HECW1: variants seen among roughly 807,000 people sequenced by gnomAD.
HECW1 encodes E3 ubiquitin-protein ligase HECW1.
A neutral mutation model predicts 182.3 loss-of-function variants in HECW1; 61 were observed. The ratio of observed to expected loss-of-function variants is 0.33; its 90% confidence interval spans 0.27 to 0.41. The LOEUF (loss-of-function observed/expected upper bound fraction) is 0.41. Among genes scored for constraint, HECW1 ranks in the 10% least tolerant of loss-of-function variants. HECW1 has a pLI of 1.00. For missense variants in HECW1, 1,739 were observed against 2,108.9 expected, an observed-to-expected ratio of 0.82 and a Z score of 3.44; for synonymous variants, 859 against 832.6, an observed-to-expected ratio of 1.03 and a Z score of -0.55.
At chr7:43,274,413 C>G (rs763415099) in intron 3 of HECW1, 39 of 634,312 alleles carry the variant, frequency 6.1e-5, no homozygotes, top group Non-Finnish European at 9.7e-5. Context: ...TGCTCTATGA[C>G]TCCCGGAGCT....
chr7:43,479,779 G>C (rs369959039), intron 17 of HECW1, 35 bp downstream of exon 17: 122 of 1,611,678 alleles, frequency 7.6e-5, no homozygotes, highest in Admixed American at 4.2e-4. Flanking sequence ...ACTGTTCACC[G>C]GTCACAGTCT....
chr7:43,173,019 A>T (rs1019822914), intron 2 of HECW1, among the ~76,000 whole-genome samples: 3 of 152,212 alleles, frequency 2.0e-5, no homozygotes, highest in African/African-American at 7.2e-5. Context: ...TTCACACCAC[A>T]TTGACAGAAG....
chr7:43,493,546 G>C (rs1002061253), intron 19 of HECW1, among the ~76,000 whole-genome samples: 2 of 152,034 alleles, frequency 1.3e-5, no homozygotes, highest in African/African-American at 4.8e-5. Context: ...ACCAAATATT[G>C]AGCAGCCGTG....
At chr7:43,471,048 C>A (rs1379515837) in intron 16 of HECW1, among the ~76,000 whole-genome samples, 1 of 152,124 alleles carries the variant, frequency 6.6e-6, no homozygotes, top group Non-Finnish European at 1.5e-5. Flanking sequence ...GATTTTACAA[C>A]CAGATAAATA....
intron 2 of HECW1, among the ~76,000 whole-genome samples, chr7:43,242,099 C>T (rs944227434): frequency 1.3e-5 from 2 of 152,122 alleles, no homozygotes; most frequent in Non-Finnish European, 2.9e-5. Context: ...GGACCAGATC[C>T]ACTTTGCATG....
At chr7:43,376,619 C>T (rs971813209) in intron 6 of HECW1, among the ~76,000 whole-genome samples, 1 of 152,176 alleles carries the variant, frequency 6.6e-6, no homozygotes. Context: ...AATCCCAGCA[C>T]TTTGGGAGGC....
chr7:43,201,085 C>G (rs902012558), intron 2 of HECW1, among the ~76,000 whole-genome samples: 1 of 152,144 alleles, frequency 6.6e-6, no homozygotes, highest in African/African-American at 2.4e-5. Flanking sequence ...TGTTATTCAG[C>G]TTGAAGACCG....
rs77031619 is a variant in HECW1, at chr7:43,315,030, C to T, written c.352+2943C>T. Among the ~76,000 whole-genome samples the T allele has an allele frequency of 1.1e-3, 162 of 152,270 alleles. No individual in the cohort carries two copies. The East Asian group carries it at 0.015, about 14-fold the overall frequency. On this transcript the variant is annotated intron_variant, in intron 4 of 29. Transcript: ENST00000395891. ...TGTTGGGTATGGGCCATGGCACATCCGTGTGCCATCAAATGTCCAGCAGAG... is the reference window on the plus strand; with the variant it reads ...TGTTGGGTATGGGCCATGGCACATCTGTGTGCCATCAAATGTCCAGCAGAG...
intron 2 of HECW1, among the ~76,000 whole-genome samples, chr7:43,221,554 T>TG (rs1796959681): frequency 3.3e-5 from 3 of 90,428 alleles, no homozygotes; most frequent in South Asian, 4.9e-4. Context: ...TTTTTTTTTT[T>TG]TTTTTTTTTT....
chr7:43,172,818 T>C (rs967505587), intron 2 of HECW1, among the ~76,000 whole-genome samples: 1 of 152,222 alleles, frequency 6.6e-6, no homozygotes, highest in African/African-American at 2.4e-5. Flanking sequence ...AAGCGATCCT[T>C]GGACACAGCA....
intron 2 of HECW1, among the ~76,000 whole-genome samples, chr7:43,134,393 CA>C (rs35414360): frequency 0.32 from 27,390 of 85,204 alleles, 1,440 homozygotes; most frequent in Middle Eastern, 0.48. Flanking sequence ...GACTCTGTCT[CA>C]AAAAAAAAAA....
At chr7:43,467,868 G>A (rs540156405) in intron 15 of HECW1, among the ~76,000 whole-genome samples, 5 of 152,282 alleles carry the variant, frequency 3.3e-5, no homozygotes, top group East Asian at 3.9e-4. Context: ...GATGGAGGGC[G>A]TGGCTGCAAA....
chr7:43,381,097 T>A (rs948050845), intron 6 of HECW1, among the ~76,000 whole-genome samples: 1 of 152,220 alleles, frequency 6.6e-6, no homozygotes, highest in East Asian at 1.9e-4. Flanking sequence ...GAAGTGAACA[T>A]TTTTTCATGT....
chr7:43,556,421 T>C (rs2082023825), intron 29 of HECW1, among the ~76,000 whole-genome samples: 1 of 152,222 alleles, frequency 6.6e-6, no homozygotes, highest in Non-Finnish European at 1.5e-5. Flanking sequence ...GCGCAGTGGC[T>C]CACGCCTGTA....
At chr7:43,258,939 T>G (rs1800878420) in intron 3 of HECW1, among the ~76,000 whole-genome samples, 1 of 152,202 alleles carries the variant, frequency 6.6e-6, no homozygotes, top group Non-Finnish European at 1.5e-5. Flanking sequence ...TTTTTTGTTT[T>G]GTTTTGTTTT....
chr7:43,369,620 T>C (rs1211441983), intron 6 of HECW1, among the ~76,000 whole-genome samples: 2 of 152,214 alleles, frequency 1.3e-5, no homozygotes, highest in African/African-American at 4.8e-5. Flanking sequence ...ACCTAGAAAT[T>C]GTGAATGAAC....
At chr7:43,235,960 G>T (rs888528791) in intron 2 of HECW1, among the ~76,000 whole-genome samples, 32 of 152,160 alleles carry the variant, frequency 2.1e-4, no homozygotes, top group Non-Finnish European at 2.9e-5. Flanking sequence ...ATGCCAAGAG[G>T]GGAGGATCAC....
At chr7:43,152,202 G>A (rs1789405496) in intron 2 of HECW1, among the ~76,000 whole-genome samples, 1 of 43,822 alleles carries the variant, frequency 2.3e-5, no homozygotes, top group Non-Finnish European at 4.0e-5. Flanking sequence ...ATAATTTCTG[G>A]GAAAAAAAAT....
intron 3 of HECW1, among the ~76,000 whole-genome samples, chr7:43,246,235 C>G (rs1307037196): frequency 2.0e-5 from 3 of 152,088 alleles, no homozygotes; most frequent in African/African-American, 7.2e-5. Context: ...CCCAGGAGTT[C>G]CAGGCTACAG....
Sources: allele counts gnomAD v4.1 joint callset (sites outside exome capture counted in the v4.1 genomes callset), GRCh38; gene constraint gnomAD v4.1.1; transcripts MANE v1.5; gene names NCBI Gene and HGNC (gene_info 2026-07-23, HGNC 2026-07-21).